MSL2: variants seen among roughly 807,000 people sequenced by gnomAD.
The protein encoded by MSL2 is MSL complex subunit 2.
In MSL2, 2 loss-of-function variants were observed where a neutral mutation model predicts 35.8. That is an observed-to-expected ratio of 0.06 (90% CI 0.02 to 0.18). The LOEUF is 0.18. Among genes scored for constraint, MSL2 ranks in the 10% least tolerant of loss-of-function variants. MSL2 has a pLI of 1.00. For synonymous variants in MSL2, 296 were observed against 255.7 expected, an observed-to-expected ratio of 1.16 and a Z score of -1.50; for missense variants, 523 against 706.7, an observed-to-expected ratio of 0.74 and a Z score of 2.95.
chr3:136,160,119 A>T (rs1289817650), intron 1 of MSL2, among the ~76,000 whole-genome samples: 1 of 151,480 alleles, frequency 6.6e-6, no homozygotes, highest in African/African-American at 2.4e-5. Context: ...TAAAAATATA[A>T]AATAAAATTA....
chr3:136,152,872 A>G (rs373259101), intron 1 of MSL2, 134 bp from the exon 2 acceptor site: 15 of 1,441,546 alleles, frequency 1.0e-5, no homozygotes, highest in East Asian at 7.5e-5. Flanking sequence ...AACAGAAAAT[A>G]TATCTTAGAA....
intron 1 of MSL2, among the ~76,000 whole-genome samples, chr3:136,162,860 T>C (rs1939747250): frequency 6.6e-6 from 1 of 152,206 alleles, no homozygotes; most frequent in Admixed American, 6.5e-5. Context: ...AATCCTCATT[T>C]TTCTTATTTT....
intron 1 of MSL2, among the ~76,000 whole-genome samples, chr3:136,176,145 G>T (rs909244301): frequency 1.3e-5 from 2 of 152,094 alleles, no homozygotes; most frequent in African/African-American, 4.8e-5. Context: ...ACAGTTCTTG[G>T]ACAAGTAAAA....
Position 136,195,078 on chromosome 3 carries a change from G to T in MSL2, c.36C>A (p.Ser12=). 6.2e-7 allele frequency: 1 copy of T among 1,613,912 alleles called. No individual in the cohort carries two copies. Residue 12 remains serine, a synonymous_variant, in exon 1 of 2, where the codon TCC becomes TCA. Transcript: ENST00000309993. ...NPVNATALYI[S]ASRLVLNYDP... ...CGTAGTTGAGCACTAGGCGGCTCGC[G>T]GAAATGTAGAGAGCAGTAGCATTCA... is the stretch of plus-strand genomic sequence containing the variant.
At chr3:136,191,254 G>A (rs1156422673) in intron 1 of MSL2, among the ~76,000 whole-genome samples, 1 of 151,890 alleles carries the variant, frequency 6.6e-6, no homozygotes, top group African/African-American at 2.4e-5. Flanking sequence ...GGATCACAAG[G>A]TCAGGAGTTC....
In MSL2 at chr3:136,150,358, T is replaced by G. The variant is rs903336389; in HGVS notation, c.*789A>C. The G allele has an allele frequency of 2.0e-5, 3 of 152,470 alleles. No homozygotes were observed. Among genetic ancestry groups the G allele is most frequent in the African/African-American group, 7.2e-5 (3 of 41,446 alleles). The allele number at this position is 152,470 out of a possible 1,614,324, so 9.4% of individuals were successfully genotyped here. ...AAATCCCAATTACTAAATAAAATCT[T>G]TTTATAATTTTAAAAAAATTCTGTC... is the stretch of plus-strand genomic sequence containing the variant. On this transcript the variant is annotated 3_prime_UTR_variant, in exon 2 of 2. Coordinates refer to ENST00000309993, the MANE Select transcript of MSL2 (RefSeq NM_018133.4).
At chr3:136,190,848 G>A (rs767446160) in intron 1 of MSL2, among the ~76,000 whole-genome samples, 5 of 152,194 alleles carry the variant, frequency 3.3e-5, no homozygotes, top group Non-Finnish European at 7.3e-5. Flanking sequence ...AGTACCCATA[G>A]TGATTTTTGT....
chr3:136,184,963 G>T (rs768476235), intron 1 of MSL2, among the ~76,000 whole-genome samples: 38 of 152,162 alleles, frequency 2.5e-4, no homozygotes, highest in Non-Finnish European at 4.9e-4. Flanking sequence ...TCTAGGTTTG[G>T]AAACAGTAAC....
intron 1 of MSL2, among the ~76,000 whole-genome samples, chr3:136,166,061 G>GTA (rs1939839079): frequency 3.3e-5 from 1 of 30,368 alleles, no homozygotes; most frequent in Non-Finnish European, 6.1e-5. Context: ...GTACGTACCA[G>GTA]TAAAAAAAAA....
At chr3:136,157,185 G>A (rs1180519481) in intron 1 of MSL2, among the ~76,000 whole-genome samples, 2 of 152,148 alleles carry the variant, frequency 1.3e-5, no homozygotes, top group Non-Finnish European at 2.9e-5. Context: ...CATCACTTTG[G>A]GAGGCCAAGG....
intron 1 of MSL2, among the ~76,000 whole-genome samples, chr3:136,162,862 T>C (rs1939747436): frequency 6.6e-6 from 1 of 152,208 alleles, no homozygotes; most frequent in South Asian, 2.1e-4. Context: ...TCCTCATTTT[T>C]CTTATTTTCA....
At chr3:136,174,555 G>C (rs989085198) in intron 1 of MSL2, among the ~76,000 whole-genome samples, 1 of 152,244 alleles carries the variant, frequency 6.6e-6, no homozygotes, top group African/African-American at 2.4e-5. Flanking sequence ...ATAATGGATA[G>C]TGACTGAGGC....
intron 1 of MSL2, among the ~76,000 whole-genome samples, chr3:136,172,894 T>C (rs6762209): frequency 0.077 from 11,723 of 152,206 alleles, 568 homozygotes; most frequent in Middle Eastern, 0.13. Flanking sequence ...CCGGGCACAG[T>C]GGCTCACACC....
At chr3:136,185,096 T>A (rs915751166) in intron 1 of MSL2, among the ~76,000 whole-genome samples, 4 of 152,038 alleles carry the variant, frequency 2.6e-5, no homozygotes, top group African/African-American at 9.7e-5. Flanking sequence ...TGCCTCAGCC[T>A]CCCAAGTAGC....
intron 1 of MSL2, among the ~76,000 whole-genome samples, chr3:136,163,031 TA>T (rs1487699224): frequency 9.9e-5 from 15 of 151,818 alleles, no homozygotes; most frequent in Admixed American, 2.0e-4. Flanking sequence ...AAGGTTACAT[TA>T]AAAATCCTGT....
intron 1 of MSL2, among the ~76,000 whole-genome samples, chr3:136,175,270 G>A (rs1464810551): frequency 1.3e-5 from 2 of 151,916 alleles, no homozygotes; most frequent in Admixed American, 6.6e-5. Context: ...CTTCAACCCA[G>A]GAGGCGGAGG....
At chr3:136,169,425 A>C (rs557243805) in intron 1 of MSL2, among the ~76,000 whole-genome samples, 14 of 151,856 alleles carry the variant, frequency 9.2e-5, no homozygotes, top group Admixed American at 6.6e-5. Context: ...ATCCACTCCT[A>C]TTATTGGTTT....
chr3:136,168,569 C>T (rs141900766), intron 1 of MSL2, among the ~76,000 whole-genome samples: 123 of 152,206 alleles, frequency 8.1e-4, no homozygotes, highest in African/African-American at 2.7e-3. Flanking sequence ...AATGAGAACA[C>T]ATGGATACAA....
rs777430636 is a variant in MSL2 at position 136,152,161 on chromosome 3, G to A, written c.720C>T (p.Asp240=). The part of the protein sequence containing the change: ...DLSDSLPPVC[D]TVATDLCSTG... Reference sequence around the variant, plus strand: ...TGGAACATAAGTCAGTGGCTACTGTGTCACAAACGGGTGGCAGGCTGTCAG... The same window carrying A: ...TGGAACATAAGTCAGTGGCTACTGTATCACAAACGGGTGGCAGGCTGTCAG... Residue 240 remains aspartate, a synonymous_variant, in exon 2 of 2, where the codon GAC becomes GAT. Transcript: ENST00000309993. The A allele has an allele frequency of 3.7e-6, 6 of 1,614,064 alleles. No individual in the cohort carries two copies. Among genetic ancestry groups the A allele is most frequent in the Non-Finnish European group, 5.1e-6 (6 of 1,180,040 alleles).
Sources: allele counts gnomAD v4.1 joint callset (sites outside exome capture counted in the v4.1 genomes callset), GRCh38; gene constraint gnomAD v4.1.1; transcripts MANE v1.5; gene names NCBI Gene and HGNC (gene_info 2026-07-23, HGNC 2026-07-21).